Variants in FMN1 observed in about 807,000 individuals in gnomAD.
FMN1 encodes the protein formin-1.
FMN1 carries 110 observed loss-of-function variants against 132.4 expected under a neutral mutation model. The observed-to-expected ratio is 0.83, with a 90% confidence interval of 0.71 to 0.97. The LOEUF is 0.97. FMN1 is among the 50% of genes least tolerant of loss of function. The pLI is 0.00. For synonymous variants in FMN1, 722 were observed against 651.7 expected (o/e 1.11, Z -1.64); for missense variants, 1,792 against 1,705.3 (o/e 1.05, Z -0.90).
intron 4 of FMN1, among the ~76,000 whole-genome samples, chr15:33,143,452 T>C (rs1190004240): frequency 6.6e-6 from 1 of 152,224 alleles, no homozygotes; most frequent in African/African-American, 2.4e-5. Flanking sequence ...TCAGTTTCAG[T>C]AACTGACCCA....
At position 32,901,989 on chromosome 15, in the gene FMN1, G is replaced by A. The variant is rs778416269; in HGVS notation, c.3429C>T (p.Cys1143=). The A allele has an allele frequency of 2.5e-5, 40 of 1,612,950 alleles. No homozygotes were observed. Among genetic ancestry groups the A allele is most frequent in the Non-Finnish European group, 3.4e-6 (4 of 1,179,260 alleles). The change falls in exon 13 of 21, where the codon TGC becomes TGT. Residue 1143 remains cysteine, a synonymous_variant. Transcript: ENST00000616417. The stretch of plus-strand genomic sequence containing the variant: ...CAGAAAAGACAGATCTGAAGATTAT[G>A]CACTGGGCACGTTCAGCAAAATTAG... The part of the protein sequence containing the change: ...QIPNFAERAQ[C]IIFRSVFSEG...
chr15:33,173,183 T>C (rs1414380543), intron 3 of FMN1, among the ~76,000 whole-genome samples: 2 of 151,908 alleles, frequency 1.3e-5, no homozygotes, highest in African/African-American at 2.4e-5. Context: ...CACAACTAGA[T>C]AGGCAGGGAG....
chr15:32,793,703 AG>A (rs1226208189), intron 19 of FMN1, among the ~76,000 whole-genome samples: 1 of 152,218 alleles, frequency 6.6e-6, no homozygotes, highest in Non-Finnish European at 1.5e-5. Context: ...ACAATTAATT[AG>A]GGGGTGATTG....
At chr15:32,850,537 A>T (rs1029766556) in intron 17 of FMN1, among the ~76,000 whole-genome samples, 2 of 152,220 alleles carry the variant, frequency 1.3e-5, no homozygotes, top group African/African-American at 4.8e-5. Flanking sequence ...CAGAAAACCC[A>T]AGGAGGAGGA....
At chr15:33,112,809 T>C (rs573286749) in intron 4 of FMN1, among the ~76,000 whole-genome samples, 2 of 152,254 alleles carry the variant, frequency 1.3e-5, no homozygotes, top group African/African-American at 2.4e-5. Flanking sequence ...TGTGGGTAAA[T>C]GGCAAGAAAT....
intron 16 of FMN1, among the ~76,000 whole-genome samples, chr15:32,876,285 C>G (rs2059635712): frequency 1.3e-5 from 2 of 152,032 alleles, no homozygotes; most frequent in Non-Finnish European, 2.9e-5. Flanking sequence ...TCAAAAGGTA[C>G]TATTTCTATA....
At chr15:33,115,573 C>T (rs1016235124) in intron 4 of FMN1, among the ~76,000 whole-genome samples, 3 of 151,556 alleles carry the variant, frequency 2.0e-5, no homozygotes, top group Non-Finnish European at 4.4e-5. Flanking sequence ...CCCCACCTCT[C>T]CTATCTTTTA....
intron 12 of FMN1, among the ~76,000 whole-genome samples, chr15:32,906,708 A>G (rs568324295): frequency 2.6e-5 from 4 of 152,350 alleles, no homozygotes; most frequent in Admixed American, 2.0e-4. Flanking sequence ...TAGCACCGTA[A>G]GAGGGATTCA....
At chr15:33,089,997 C>T (rs1345114436) in intron 4 of FMN1, among the ~76,000 whole-genome samples, 2 of 152,072 alleles carry the variant, frequency 1.3e-5, no homozygotes, top group South Asian at 2.1e-4. Context: ...CTTATTTGAC[C>T]ACAGAATCCA....
chr15:32,973,762 A>C (rs1002663712), intron 7 of FMN1, among the ~76,000 whole-genome samples: 3 of 151,972 alleles, frequency 2.0e-5, no homozygotes, highest in Non-Finnish European at 2.9e-5. Flanking sequence ...ATTGTGTCTG[A>C]CTCTATTACA....
chr15:33,015,272 C>G (rs962805728), intron 6 of FMN1, among the ~76,000 whole-genome samples: 2 of 152,130 alleles, frequency 1.3e-5, no homozygotes, highest in Non-Finnish European at 2.9e-5. Context: ...CACTCGTAAA[C>G]TTGGGGTAAC....
intron 7 of FMN1, among the ~76,000 whole-genome samples, chr15:32,974,152 T>A (rs1041734781): frequency 2.6e-5 from 4 of 152,216 alleles, no homozygotes; most frequent in Non-Finnish European, 4.4e-5. Flanking sequence ...CAGTATCCAA[T>A]TATAAACCCT....
rs16958934 is a variant in FMN1, at chr15:32,795,430, T to C, written c.4130+3374A>G. ...GGGAAACACACAGCTCCTCAGAAAATTAGAACCGCAGTTTCTAGATTCATA... is the reference window on the plus strand; with the variant it reads ...GGGAAACACACAGCTCCTCAGAAAACTAGAACCGCAGTTTCTAGATTCATA... On this transcript the variant is annotated intron_variant, in intron 19 of 20. Coordinates refer to ENST00000616417, the MANE Select transcript of FMN1 (RefSeq NM_001277313.2). Among the ~76,000 whole-genome samples, 2,254 of 152,146 alleles carry C rather than the reference T, an allele frequency of 0.015. 115 individuals are homozygous for C. The East Asian group carries it at 0.16, about 11-fold the overall frequency.
intron 4 of FMN1, among the ~76,000 whole-genome samples, chr15:33,128,308 A>AG (rs1963316145): frequency 6.6e-6 from 1 of 152,222 alleles, no homozygotes; most frequent in South Asian, 2.1e-4. Context: ...GCTGCTGACT[A>AG]GGCCCGACCA....
intron 6 of FMN1, among the ~76,000 whole-genome samples, chr15:33,022,771 A>G (rs1278876167): frequency 6.6e-6 from 1 of 151,504 alleles, no homozygotes; most frequent in African/African-American, 2.4e-5. Flanking sequence ...AGGGACTGAC[A>G]GCACTAACGT....
At chr15:33,116,763 C>CAAAAA (rs2039943458) in intron 4 of FMN1, among the ~76,000 whole-genome samples, 1 of 151,238 alleles carries the variant, frequency 6.6e-6, no homozygotes, top group African/African-American at 2.4e-5. Flanking sequence ...GCTTTTTTTT[C>CAAAAA]CCTCATGAGA....
intron 15 of FMN1, among the ~76,000 whole-genome samples, chr15:32,894,009 T>C (rs1187832529): frequency 1.3e-5 from 2 of 152,202 alleles, no homozygotes; most frequent in Non-Finnish European, 2.9e-5. Context: ...GGTATGTGCT[T>C]ATGTGCCCGC....
At chr15:33,134,978 G>A (rs1230998850) in intron 4 of FMN1, among the ~76,000 whole-genome samples, 2 of 152,184 alleles carry the variant, frequency 1.3e-5, no homozygotes, top group African/African-American at 4.8e-5. Context: ...CTCCAGCCTG[G>A]GTGACAGAGT....
rs1268355749 is a variant in FMN1 at position 33,154,116 on chromosome 15, G to A, written c.799C>T (p.Leu267=). 9 of 1,536,104 alleles carry A rather than the reference G, an allele frequency of 5.9e-6. No individual in the cohort carries two copies. In the South Asian group the frequency reaches 9.5e-5, roughly 16 times the overall value. ...TCTGTGGAGCTGCAGTCAGGGGGCA[G>A]CACTTCTCTTCCAAGCCCAGTGTCC... ...FKDTGLGREV[L]PPDCSSTEAG... The change falls in exon 4 of 21, where the codon CTG becomes TTG. Residue 267 remains leucine, a synonymous_variant. Coordinates refer to ENST00000616417, the MANE Select transcript of FMN1 (RefSeq NM_001277313.2).
Sources: allele counts gnomAD v4.1 joint callset (sites outside exome capture counted in the v4.1 genomes callset), GRCh38; gene constraint gnomAD v4.1.1; transcripts MANE v1.5; gene names NCBI Gene and HGNC (gene_info 2026-07-23, HGNC 2026-07-21).